RHAG: variants seen among roughly 807,000 people sequenced by gnomAD.
RHAG encodes Rh associated glycoprotein.
In RHAG, 25 loss-of-function variants were observed where a neutral mutation model predicts 42.4. That is an observed-to-expected ratio of 0.59 (90% CI 0.43 to 0.82). RHAG has a LOEUF of 0.82. Ranked by LOEUF, RHAG falls within the 40% of genes least tolerant of loss-of-function variation. The pLI is 0.00. For synonymous variants in RHAG, 182 were observed against 177.7 expected (o/e 1.02, Z -0.19); for missense variants, 483 against 504.6 (o/e 0.96, Z 0.41).
At chr6:49,628,424 A>G (rs1483366537) in intron 1 of RHAG, among the ~76,000 whole-genome samples, 1 of 152,014 alleles carries the variant, frequency 6.6e-6, no homozygotes, top group Non-Finnish European at 1.5e-5. Context: ...GTGTGTCCGG[A>G]ATTGGTGGGT....
Position 49,606,901 on chromosome 6 carries a change from G to A in RHAG, c.1159C>T (p.Leu387Phe), listed in dbSNP as rs780149915. The A allele has an allele frequency of 1.2e-5, 19 of 1,612,120 alleles. No homozygotes were observed. Among genetic ancestry groups the A allele is most frequent in the Non-Finnish European group, 1.6e-5 (19 of 1,178,378 alleles). Residue 387 changes from leucine to phenylalanine, a missense_variant, in exon 9 of 10, where the codon CTC (leucine) becomes TTC (phenylalanine). Physicochemically the swap from Leu to Phe is conservative, Grantham distance 22. Transcript: ENST00000371175. ...LMTGLILKLP[L>F]WGQPSDQNCY... is the part of the protein sequence containing the mutation. Reference sequence around the variant, plus strand: ...TTCTGGTCAGATGGCTGTCCCCAGAGAGGCAACTTTAGAATTAAACCTGTG... The same window carrying A: ...TTCTGGTCAGATGGCTGTCCCCAGAAAGGCAACTTTAGAATTAAACCTGTG...
intron 1 of RHAG, among the ~76,000 whole-genome samples, chr6:49,629,343 C>A (rs1299408857): frequency 6.6e-6 from 1 of 152,024 alleles, no homozygotes; most frequent in Non-Finnish European, 1.5e-5. Flanking sequence ...ACTCACAAAC[C>A]CTGAGCTAGA....
At chr6:49,618,320 G>C in intron 2 of RHAG, 102 bp from the exon 3 acceptor site, 4 of 1,244,374 alleles carry the variant, frequency 3.2e-6, no homozygotes, top group Admixed American at 1.8e-5. Context: ...TGCTTCCCAG[G>C]CTTACTCATC....
At chr6:49,610,836 T>C (rs1319870099) in intron 7 of RHAG, among the ~76,000 whole-genome samples, 188 bp downstream of exon 7, 1 of 152,216 alleles carries the variant, frequency 6.6e-6, no homozygotes, top group Non-Finnish European at 1.5e-5. Context: ...AAATTAACAA[T>C]TTCAGTTAAA....
At chr6:49,620,469 A>G (rs1245155634) in intron 1 of RHAG, among the ~76,000 whole-genome samples, 1 of 152,134 alleles carries the variant, frequency 6.6e-6, no homozygotes. Context: ...GGATCTGGGC[A>G]GTACACATAA....
chr6:49,613,309 A>T (rs1197062947), intron 5 of RHAG, among the ~76,000 whole-genome samples: 1 of 152,186 alleles, frequency 6.6e-6, no homozygotes, highest in African/African-American at 2.4e-5. Context: ...ACCTCAGGTG[A>T]TCCACCCACC....
chr6:49,632,129 T>C (rs1214790909), intron 1 of RHAG: 1 of 152,190 alleles, frequency 6.6e-6, no homozygotes, highest in Non-Finnish European at 1.5e-5. Flanking sequence ...CTTTTGTGTA[T>C]GACATGTCTT....
At chr6:49,616,843 C>T (rs1333694584) in intron 3 of RHAG, among the ~76,000 whole-genome samples, 1 of 152,184 alleles carries the variant, frequency 6.6e-6, no homozygotes, top group Non-Finnish European at 1.5e-5. Flanking sequence ...CCCAGCAACA[C>T]TTAGTCCCTT....
In RHAG at chr6:49,618,204, T is replaced by G; in HGVS notation, c.356A>C (p.Asp119Ala). The G allele has an allele frequency of 6.2e-7, 1 of 1,614,142 alleles. No homozygotes were observed. The highest frequency in any genetic ancestry group is 2.2e-5 in the East Asian group (1 of 44,878). The change falls in exon 3 of 10, where the codon GAC (aspartate) becomes GCC (alanine). Residue 119 changes from aspartate to alanine, a missense_variant. Coordinates refer to ENST00000371175, the MANE Select transcript of RHAG (RefSeq NM_000324.3). ...TATCAGAACTGTGGCTGCACTGAAG[T>G]CTGCATTTATCATGCTGAAGGGAAA... is the stretch of plus-strand genomic sequence containing the variant. ...NIGIKNMINA[D>A]FSAATVLISF... is the part of the protein sequence containing the mutation.
intron 3 of RHAG, among the ~76,000 whole-genome samples, chr6:49,617,045 A>G (rs1202832163): frequency 6.6e-6 from 1 of 152,204 alleles, no homozygotes; most frequent in Non-Finnish European, 1.5e-5. Flanking sequence ...TTCAGCTAGC[A>G]CACAGAGTTT....
At chr6:49,623,002 A>AT (rs1189048533) in intron 1 of RHAG, among the ~76,000 whole-genome samples, 3 of 148,386 alleles carry the variant, frequency 2.0e-5, no homozygotes, top group East Asian at 2.0e-4. Context: ...CGCCTGGCTA[A>AT]TTTTTTTTGT....
rs889200065 is a variant in RHAG at position 49,614,937 on chromosome 6, CTTAT to C, written c.641-88_641-85del. 2.3e-5 allele frequency: 28 copies of C among 1,242,460 alleles called. No individual in the cohort carries two copies. In the East Asian group the frequency reaches 3.5e-4, roughly 16 times the overall value. 77.0% of individuals were successfully genotyped at this position (1,242,460 alleles called of 1,614,324 possible). A position where few individuals can be genotyped will look rare whatever the true frequency, so the allele number is the denominator to read the frequency against. ...GCAGTTTGCTTTATTTATTTATTTA[CTTAT>C]TTATTTGTTTATTTATTTATTTTTG... On this transcript the variant is annotated intron_variant, in intron 4 of 9. Coordinates refer to ENST00000371175, the MANE Select transcript of RHAG (RefSeq NM_000324.3).
rs531446812 is a variant in RHAG at position 49,614,359 on chromosome 6, A to ATT, written c.807+326_807+327dup. On this transcript the variant is annotated intron_variant, in intron 5 of 9. Transcript: ENST00000371175. ...AGGTGTCTGCCTCCACGCCTGGCTAATTTTTTTTTTTTTTGTATTTTTAGT... is the reference window on the plus strand; with the variant it reads ...AGGTGTCTGCCTCCACGCCTGGCTAATTTTTTTTTTTTTTTTGTATTTTTAGT... 3.5e-3 allele frequency among the ~76,000 whole-genome samples: 489 copies of ATT among 141,316 alleles called. 3 individuals carry two copies. Among genetic ancestry groups the ATT allele is most frequent in the African/African-American group, 0.012 (461 of 38,540 alleles). 92.7% of individuals were successfully genotyped at this position (141,316 alleles called of 152,430 possible).
chr6:49,606,000 C>A (rs753586746), intron 9 of RHAG, among the ~76,000 whole-genome samples, 170 bp from the exon 10 acceptor site: 2 of 152,056 alleles, frequency 1.3e-5, no homozygotes, highest in African/African-American at 2.4e-5. Flanking sequence ...TTTATCTCAC[C>A]CACCCTGACT....
rs1762640210 is a variant in RHAG, at chr6:49,615,626, A to G, written c.638T>C (p.Ile213Thr). The change falls in exon 4 of 10, where the codon ATT (isoleucine) becomes ACT (threonine). Residue 213 changes from isoleucine (I) to threonine (T), a missense_variant and splice_region_variant. Coordinates refer to ENST00000371175, the MANE Select transcript of RHAG (RefSeq NM_000324.3). Reference sequence around the variant, plus strand: ...CAAGCAAGTTTATCCACACTCACCAATCATTGCAAACAAGTCTGAGTAGTA... The same window carrying G: ...CAAGCAAGTTTATCCACACTCACCAGTCATTGCAAACAAGTCTGAGTAGTA... ...SAYYSDLFAM[I>T]GTLFLWMFWP... 10 of 1,614,064 alleles carry G rather than the reference A, an allele frequency of 6.2e-6. No homozygotes were observed. Among genetic ancestry groups the G allele is most frequent in the Non-Finnish European group, 8.5e-6 (10 of 1,179,994 alleles).
chr6:49,636,418 A>C lies in RHAG; in HGVS notation c.157+238T>G, dbSNP rs750144022. On this transcript the variant is annotated intron_variant, in intron 1 of 9. Coordinates refer to ENST00000371175, the MANE Select transcript of RHAG (RefSeq NM_000324.3). Reference sequence around the variant, plus strand: ...GTAGATAAGCAATACAAAAGGCATCAATTATTTTAATTTTCAGCTTCTTGT... The same window carrying C: ...GTAGATAAGCAATACAAAAGGCATCCATTATTTTAATTTTCAGCTTCTTGT... Among the ~76,000 whole-genome samples the C allele has an allele frequency of 2.0e-5, 3 of 152,148 alleles. No homozygotes were observed. The East Asian group carries it at 5.8e-4, about 29-fold the overall frequency.
rs999850174 is a variant in RHAG at position 49,612,620 on chromosome 6, C to T, written c.808-86G>A. 2.7e-6 allele frequency: 4 copies of T among 1,491,518 alleles called. No homozygotes were observed. The African/African-American group carries it at 4.1e-5, about 15-fold the overall frequency. 92.4% of individuals were successfully genotyped at this position (1,491,518 alleles called of 1,614,324 possible). A position where few individuals can be genotyped will look rare whatever the true frequency, so the allele number is the denominator to read the frequency against. On this transcript the variant is annotated intron_variant, in intron 5 of 9. Coordinates refer to ENST00000371175, the MANE Select transcript of RHAG (RefSeq NM_000324.3). The stretch of plus-strand genomic sequence containing the variant: ...AGAGGATTCTAGAGTTCAAGAGACC[C>T]ACATCACATTCTTCAGTTGAAAGGG...
At chr6:49,615,470 C>T (rs1762638563) in intron 4 of RHAG, among the ~76,000 whole-genome samples, 154 bp downstream of exon 4, 1 of 151,668 alleles carries the variant, frequency 6.6e-6, no homozygotes, top group South Asian at 2.1e-4. Flanking sequence ...CTCAAGTAAT[C>T]CCACCTCAGC....
intron 6 of RHAG, 28 bp from the exon 7 acceptor site, chr6:49,611,173 T>TTA: frequency 6.3e-7 from 1 of 1,587,514 alleles, no homozygotes; most frequent in South Asian, 1.1e-5. Flanking sequence ...AGAAGGTTTA[T>TTA]TATTTAGTTA....
Sources: allele counts gnomAD v4.1 joint callset (sites outside exome capture counted in the v4.1 genomes callset), GRCh38; gene constraint gnomAD v4.1.1; transcripts MANE v1.5; gene names NCBI Gene and HGNC (gene_info 2026-07-23, HGNC 2026-07-21).